CEP350: variants seen among roughly 807,000 people sequenced by gnomAD.
CEP350 encodes centrosomal protein 350.
CEP350 carries 126 observed loss-of-function variants against 331.8 expected under a neutral mutation model. That is an observed-to-expected ratio of 0.38 (90% CI 0.33 to 0.44). The LOEUF is 0.44. CEP350 is among the 20% of genes least tolerant of loss of function. The pLI, the probability that CEP350 is intolerant of heterozygous loss-of-function variation, is 1.00. For missense variants in CEP350, 3,406 were observed against 3,634.6 expected (o/e 0.94, Z 1.62); for synonymous variants, 1,200 against 1,259.5 (o/e 0.95, Z 1.00).
At position 180,022,770 on chromosome 1, in the gene CEP350, G is replaced by T. The variant is rs1264191128; in HGVS notation, c.3308G>T (p.Gly1103Val). 6.2e-7 allele frequency: 1 copy of T among 1,609,252 alleles called. No individual in the cohort carries two copies. The highest frequency in any genetic ancestry group is 2.2e-5 in the East Asian group (1 of 44,838). ...PLNATATPLS[G>V]VSYEDDFVSS... ...AATGCCACCGCAACTCCTCTAAGTG[G>T]TGTTTCATATGAAGATGATTTTGTC... Residue 1103 changes from glycine (G) to valine (V), a missense_variant, in exon 13 of 38, where the codon GGT becomes GTT. Physicochemically the swap from Gly to Val is moderately radical, Grantham distance 109. Transcript: ENST00000367607.
At chr1:180,015,210 GTTTATTTATTTATTTA>G (rs112553202) in intron 10 of CEP350, among the ~76,000 whole-genome samples, 2,454 of 143,550 alleles carry the variant, frequency 0.017, 74 homozygotes, top group African/African-American at 0.061. Context: ...CTAGGAAATT[GTTTATTTATTTATTTA>G]TTTATTTATT....
chr1:179,971,895 T>G (rs909060639), intron 1 of CEP350, among the ~76,000 whole-genome samples: 1 of 152,334 alleles, frequency 6.6e-6, no homozygotes, highest in African/African-American at 2.4e-5. Flanking sequence ...TCAAAGATGC[T>G]TCCTGAAAGA....
intron 22 of CEP350, among the ~76,000 whole-genome samples, chr1:180,050,700 C>T (rs1475993859): frequency 6.7e-6 from 1 of 148,936 alleles, no homozygotes; most frequent in East Asian, 1.9e-4. Context: ...ACAAAAAAAC[C>T]TCAATAATAG....
intron 1 of CEP350, among the ~76,000 whole-genome samples, chr1:179,981,986 T>C (rs1195628897): frequency 2.0e-5 from 3 of 152,006 alleles, no homozygotes. Flanking sequence ...GGTAACAGAG[T>C]GACACCTTGT....
chr1:179,989,950 A>T (rs556617160), intron 3 of CEP350, among the ~76,000 whole-genome samples: 1 of 152,302 alleles, frequency 6.6e-6, no homozygotes, highest in South Asian at 2.1e-4. Context: ...GCACTTTGGG[A>T]GGCTGAGGTG....
chr1:179,984,527 C>A lies in CEP350; in HGVS notation c.-13-1642C>A, dbSNP rs114020293. The stretch of plus-strand genomic sequence containing the variant: ...TGTTCTTAGGACATGGCACCTGTAT[C>A]CAAAGAGAGATGAGAATGCGTTTTA... On this transcript the variant is annotated intron_variant, in intron 1 of 37. Transcript: ENST00000367607. 9.9e-3 allele frequency among the ~76,000 whole-genome samples: 1,510 copies of A among 152,248 alleles called. 27 individuals carry two copies. The highest frequency in any genetic ancestry group is 0.032 in the African/African-American group (1,341 of 41,532).
chr1:180,085,955 G>GGGATA (rs1483628980), intron 31 of CEP350: 1 of 152,154 alleles, frequency 6.6e-6, no homozygotes, highest in African/African-American at 2.4e-5. Context: ...CTGTTTTATA[G>GGGATA]ATAAGGAAAC....
intron 2 of CEP350, among the ~76,000 whole-genome samples, chr1:179,986,833 G>A (rs1001119879): frequency 2.6e-5 from 4 of 152,106 alleles, no homozygotes; most frequent in Non-Finnish European, 5.9e-5. Flanking sequence ...TTTTACCTAT[G>A]TTTTTACTGG....
At chr1:179,969,487 G>C in intron 1 of CEP350, 1 of 474,254 alleles carries the variant, frequency 2.1e-6, no homozygotes, top group Non-Finnish European at 4.2e-6. Context: ...TGAATGGGTA[G>C]GAATAAGCAC....
chr1:180,084,872 C>G (rs1659768503), intron 31 of CEP350, among the ~76,000 whole-genome samples: 1 of 151,578 alleles, frequency 6.6e-6, no homozygotes, highest in South Asian at 2.1e-4. Flanking sequence ...AAGACCTCCA[C>G]CTCTAAAAAA....
chr1:180,102,153 T>G (rs1351680235), intron 37 of CEP350, among the ~76,000 whole-genome samples: 1 of 145,830 alleles, frequency 6.9e-6, no homozygotes, highest in African/African-American at 2.5e-5. Context: ...TTTTTTTTTT[T>G]GAGACAGAGT....
chr1:180,074,128 T>C (rs1659070614), intron 27 of CEP350, among the ~76,000 whole-genome samples: 1 of 152,212 alleles, frequency 6.6e-6, no homozygotes, highest in Admixed American at 6.5e-5. Flanking sequence ...AGTAAGTGTT[T>C]GTGCGATACA....
At chr1:180,029,890 A>G (rs1476196009) in intron 14 of CEP350, among the ~76,000 whole-genome samples, 1 of 152,102 alleles carries the variant, frequency 6.6e-6, no homozygotes. Context: ...TGCCTATTCT[A>G]GCTGTGTCAT....
At chr1:180,034,714 G>T (rs938878124) in intron 16 of CEP350, among the ~76,000 whole-genome samples, 1 of 152,046 alleles carries the variant, frequency 6.6e-6, no homozygotes, top group East Asian at 1.9e-4. Context: ...GTTTAAGAGG[G>T]CAGACTTAGT....
intron 3 of CEP350, 98 bp from the exon 4 acceptor site, chr1:179,990,409 G>C (rs936821104): frequency 8.2e-6 from 4 of 485,940 alleles, no homozygotes; most frequent in East Asian, 3.4e-5. Context: ...TTTGGAAAAA[G>C]GTATTGGGCA....
intron 1 of CEP350, among the ~76,000 whole-genome samples, chr1:179,975,346 A>G (rs1039799229): frequency 1.3e-5 from 2 of 152,210 alleles, no homozygotes; most frequent in Non-Finnish European, 2.9e-5. Context: ...CCCATAAATG[A>G]TAGTCATTGA....
At chr1:180,040,750 A>G (rs948689928) in intron 17 of CEP350, among the ~76,000 whole-genome samples, 2 of 152,096 alleles carry the variant, frequency 1.3e-5, no homozygotes, top group African/African-American at 4.8e-5. Flanking sequence ...TAATGAAACT[A>G]CTACTTCAAA....
intron 27 of CEP350, among the ~76,000 whole-genome samples, chr1:180,072,868 A>T (rs886988719): frequency 3.3e-5 from 5 of 152,190 alleles, no homozygotes; most frequent in African/African-American, 1.2e-4. Context: ...TGTTGCCTTG[A>T]TCTACAAGTT....
chr1:180,008,893 A>G (rs1411129393), intron 8 of CEP350, among the ~76,000 whole-genome samples: 1 of 152,228 alleles, frequency 6.6e-6, no homozygotes, highest in African/African-American at 2.4e-5. Flanking sequence ...AATGGCAGAT[A>G]ACACATTTTG....
Sources: allele counts gnomAD v4.1 joint callset (sites outside exome capture counted in the v4.1 genomes callset), GRCh38; gene constraint gnomAD v4.1.1; transcripts MANE v1.5; gene names NCBI Gene and HGNC (gene_info 2026-07-23, HGNC 2026-07-21).